The following TMEM108 variants were observed in gnomAD, a reference collection of about 807,000 sequenced individuals.
The protein encoded by TMEM108 is cancer/testis antigen 124.
Under a neutral mutation model 35.1 loss-of-function variants are expected in TMEM108, and 12 were observed. The ratio of observed to expected loss-of-function variants is 0.34; its 90% confidence interval spans 0.22 to 0.55. TMEM108 has a LOEUF of 0.55. TMEM108 is among the 20% of genes least tolerant of loss of function. The pLI is 0.89. For synonymous variants in TMEM108, 287 were observed against 308.6 expected (o/e 0.93, Z 0.73); for missense variants, 680 against 753.3 (o/e 0.90, Z 1.14).
chr3:133,347,532 T>G (rs968161319), intron 3 of TMEM108, among the ~76,000 whole-genome samples: 2 of 152,098 alleles, frequency 1.3e-5, no homozygotes, highest in African/African-American at 2.4e-5. Context: ...GTTGTTGTTG[T>G]TTTTTGTCAG....
intron 4 of TMEM108, among the ~76,000 whole-genome samples, chr3:133,385,912 T>C (rs2073136256): frequency 1.3e-5 from 2 of 152,182 alleles, no homozygotes; most frequent in South Asian, 2.1e-4. Flanking sequence ...AAGAGAATTA[T>C]TGGGGGAAAC....
At chr3:133,228,580 C>T (rs1946108178) in intron 2 of TMEM108, among the ~76,000 whole-genome samples, 1 of 151,860 alleles carries the variant, frequency 6.6e-6, no homozygotes, top group Non-Finnish European at 1.5e-5. Flanking sequence ...AGTAATAACA[C>T]AAAGCTATTT....
intron 5 of TMEM108, 58 bp downstream of exon 5, chr3:133,390,392 T>C: frequency 6.3e-7 from 1 of 1,589,036 alleles, no homozygotes; most frequent in Middle Eastern, 1.7e-4. Context: ...AAGAGAGCCA[T>C]GGGGCATCTG....
intron 3 of TMEM108, among the ~76,000 whole-genome samples, chr3:133,251,890 TAAGAC>T (rs1946477556): frequency 1.3e-5 from 2 of 152,146 alleles, no homozygotes; most frequent in African/African-American, 4.8e-5. Flanking sequence ...ACTAATGAAA[TAAGAC>T]AGACTGTCAA....
At chr3:133,209,449 A>G (rs998765727) in intron 2 of TMEM108, among the ~76,000 whole-genome samples, 1 of 152,094 alleles carries the variant, frequency 6.6e-6, no homozygotes. Context: ...TTGACAAGAT[A>G]GTCTCTCTCC....
chr3:133,364,896 A>C lies in TMEM108; in HGVS notation c.41-14856A>C, dbSNP rs529904283. Among the ~76,000 whole-genome samples the C allele has an allele frequency of 2.6e-3, 398 of 152,276 alleles. 7 individuals are homozygous for C. Among genetic ancestry groups the C allele is most frequent in the African/African-American group, 9.3e-3 (385 of 41,558 alleles). The stretch of plus-strand genomic sequence containing the variant: ...AGAAGCCGGATCAGGCAGGGGGGGA[A>C]GTTGGGCTGCAACACAGTCACGCCA... On this transcript the variant is annotated intron_variant, in intron 3 of 5. Coordinates refer to ENST00000321871, the MANE Select transcript of TMEM108 (RefSeq NM_023943.4).
intron 2 of TMEM108, among the ~76,000 whole-genome samples, chr3:133,059,609 G>A (rs1021166229): frequency 4.6e-5 from 7 of 152,154 alleles, no homozygotes; most frequent in Admixed American, 6.5e-5. Flanking sequence ...TTGGCTGTGC[G>A]GCTGCGGAAG....
chr3:133,335,441 A>G (rs1381684669), intron 3 of TMEM108, among the ~76,000 whole-genome samples: 1 of 152,234 alleles, frequency 6.6e-6, no homozygotes, highest in Non-Finnish European at 1.5e-5. Flanking sequence ...TTGTTTTATA[A>G]AAGTTGCAAT....
chr3:133,178,695 C>T (rs1294299230), intron 2 of TMEM108, among the ~76,000 whole-genome samples: 1 of 152,122 alleles, frequency 6.6e-6, no homozygotes, highest in Non-Finnish European at 1.5e-5. Context: ...AGACCTAAAA[C>T]CATAAAAACC....
At chr3:133,332,080 G>A (rs887105048) in intron 3 of TMEM108, among the ~76,000 whole-genome samples, 6 of 57,840 alleles carry the variant, frequency 1.0e-4, no homozygotes, top group African/African-American at 3.8e-4. Flanking sequence ...GCGTGCGCAC[G>A]TGCACACACA....
intron 3 of TMEM108, among the ~76,000 whole-genome samples, chr3:133,293,428 C>T (rs969043399): frequency 7.3e-5 from 11 of 150,574 alleles, no homozygotes; most frequent in Non-Finnish European, 1.5e-4. Context: ...CTATGTTAGG[C>T]TTGGGAATTA....
intron 2 of TMEM108, among the ~76,000 whole-genome samples, chr3:133,113,091 G>A (rs1944245657): frequency 6.6e-6 from 1 of 152,132 alleles, no homozygotes; most frequent in Non-Finnish European, 1.5e-5. Context: ...CATTGGAAAG[G>A]TTGCTGCTTG....
At chr3:133,109,403 G>A (rs951553422) in intron 2 of TMEM108, among the ~76,000 whole-genome samples, 1 of 152,106 alleles carries the variant, frequency 6.6e-6, no homozygotes, top group Non-Finnish European at 1.5e-5. Flanking sequence ...AGAAGTGGGA[G>A]GATAGCTTGA....
At chr3:133,079,029 A>G (rs1047306414) in intron 2 of TMEM108, among the ~76,000 whole-genome samples, 11 of 152,232 alleles carry the variant, frequency 7.2e-5, no homozygotes, top group Admixed American at 4.6e-4. Context: ...AATAATAGTT[A>G]TATAAATATT....
At chr3:133,376,409 C>T (rs768201502) in intron 3 of TMEM108, among the ~76,000 whole-genome samples, 10 of 152,158 alleles carry the variant, frequency 6.6e-5, no homozygotes, top group Non-Finnish European at 1.3e-4. Context: ...GTATCTGACA[C>T]ATCTGGTGCC....
At chr3:133,258,565 C>T (rs186869232) in intron 3 of TMEM108, among the ~76,000 whole-genome samples, 1 of 152,338 alleles carries the variant, frequency 6.6e-6, no homozygotes, top group Admixed American at 6.5e-5. Flanking sequence ...GCCAGCTCAT[C>T]TCCCTGTCCC....
At chr3:133,350,641 T>C (rs562381443) in intron 3 of TMEM108, among the ~76,000 whole-genome samples, 71 of 152,114 alleles carry the variant, frequency 4.7e-4, no homozygotes, top group Non-Finnish European at 7.8e-4. Context: ...GGAAACCTGA[T>C]GAAGTTGAAT....
At chr3:133,072,915 C>A (rs941427111) in intron 2 of TMEM108, among the ~76,000 whole-genome samples, 1 of 152,074 alleles carries the variant, frequency 6.6e-6, no homozygotes, top group Non-Finnish European at 1.5e-5. Context: ...TATACGCAGC[C>A]TTTTGTGTCT....
intron 3 of TMEM108, among the ~76,000 whole-genome samples, chr3:133,280,435 GA>G (rs1379676608): frequency 6.6e-6 from 1 of 152,070 alleles, no homozygotes; most frequent in African/African-American, 2.4e-5. Context: ...AGTGTAGGGG[GA>G]AAGTGAAAAT....
Sources: allele counts gnomAD v4.1 joint callset (sites outside exome capture counted in the v4.1 genomes callset), GRCh38; gene constraint gnomAD v4.1.1; transcripts MANE v1.5; gene names NCBI Gene and HGNC (gene_info 2026-07-23, HGNC 2026-07-21).